FAM221A: variants seen among roughly 807,000 people sequenced by gnomAD.
FAM221A encodes the protein protein FAM221A.
A neutral mutation model predicts 37.6 loss-of-function variants in FAM221A; 43 were observed. The ratio of observed to expected loss-of-function variants is 1.15; its 90% confidence interval spans 0.90 to 1.48. FAM221A has a LOEUF of 1.48. Ranked by LOEUF, FAM221A falls within the 40% of genes most tolerant of loss-of-function variation. The pLI is 0.00. For synonymous variants in FAM221A, 135 were observed against 132.9 expected, an observed-to-expected ratio of 1.02 and a Z score of -0.11; for missense variants, 361 against 361.5, an observed-to-expected ratio of 1.00 and a Z score of 0.01.
Position 23,684,670 on chromosome 7 carries a change from T to G in FAM221A, c.237T>G (p.His79Gln). 1 of 1,596,582 alleles carries G rather than the reference T, an allele frequency of 6.3e-7. No individual in the cohort carries two copies. The highest frequency in any genetic ancestry group is 8.5e-7 in the Non-Finnish European group (1 of 1,174,522). ...CAGAGACACTGTGTTTTTGTACACA[T>G]AGGTAAGATACTTTATTGCAAAGTT... ...VGPETLCFCT[H>Q]RYKQHKTDLE... The change falls in exon 2 of 7, where the codon CAT becomes CAG. Residue 79 changes from histidine to glutamine, a missense_variant and splice_region_variant. Physicochemically the swap from His to Gln is conservative, Grantham distance 24. Coordinates refer to ENST00000344962, the MANE Select transcript of FAM221A (RefSeq NM_199136.5).
At chr7:23,696,576 T>C (rs951135849) in intron 4 of FAM221A, among the ~76,000 whole-genome samples, 12 of 152,112 alleles carry the variant, frequency 7.9e-5, no homozygotes, top group Non-Finnish European at 1.5e-4. Flanking sequence ...AGTAAATAAA[T>C]AAAATGTTAC....
At chr7:23,686,420 C>T (rs1310274935) in intron 2 of FAM221A, 2 of 307,742 alleles carry the variant, frequency 6.5e-6, no homozygotes, top group Admixed American at 4.5e-5. Flanking sequence ...TCTGCCACCA[C>T]ATCCAGCTAA....
intron 5 of FAM221A, 117 bp from the exon 6 acceptor site, chr7:23,700,669 A>G: frequency 1.6e-6 from 1 of 645,092 alleles, no homozygotes; most frequent in Non-Finnish European, 2.6e-6. Context: ...CATTTAGGCC[A>G]TTTTTGGTTT....
intron 2 of FAM221A, chr7:23,687,581 G>A (rs1189503543): frequency 6.6e-6 from 1 of 150,626 alleles, no homozygotes; most frequent in East Asian, 1.9e-4. Context: ...CTGGTTCAAA[G>A]AATGGACCTT....
At chr7:23,698,396 C>T (rs145293525) in intron 5 of FAM221A, 97 bp downstream of exon 5, 22 of 707,956 alleles carry the variant, frequency 3.1e-5, no homozygotes, top group Middle Eastern at 2.4e-4. Context: ...TTCATTATTA[C>T]GATAATTTAA....
In FAM221A at chr7:23,702,249, ATTAT is replaced by A. The variant is rs1434666078; in HGVS notation, c.*89_*92del. The A allele has an allele frequency of 2.3e-6, 2 of 864,086 alleles. No homozygotes were observed. The highest frequency in any genetic ancestry group is 1.8e-5 in the African/African-American group (1 of 56,308). The allele number at this position is 864,086 out of a possible 1,614,324, so 53.5% of individuals were successfully genotyped here. A position where few individuals can be genotyped will look rare whatever the true frequency, so the allele number is the denominator to read the frequency against. The stretch of plus-strand genomic sequence containing the variant: ...AATAATACAGTTTATTTTTCCTGAA[ATTAT>A]TTACTTTTTTTTTTTACTGTATAAA... On this transcript the variant is annotated 3_prime_UTR_variant, in exon 7 of 7. Coordinates refer to ENST00000344962, the MANE Select transcript of FAM221A (RefSeq NM_199136.5).
chr7:23,688,702 T>A (rs1784521196), intron 2 of FAM221A: 1 of 151,758 alleles, frequency 6.6e-6, no homozygotes, highest in South Asian at 2.1e-4. Flanking sequence ...AATGGTACGA[T>A]CTGGGCTCAC....
chr7:23,690,199 A>ATATATATATATATATTT (rs774313037), intron 3 of FAM221A, among the ~76,000 whole-genome samples: 18 of 48,732 alleles, frequency 3.7e-4, no homozygotes, highest in Admixed American at 8.9e-4. Context: ...ATATATATAT[A>ATATATATATATATATTT]TTTTTTTTTT....
intron 1 of FAM221A, 25 bp downstream of exon 1, chr7:23,680,308 C>A: frequency 6.6e-6 from 10 of 1,512,210 alleles, no homozygotes; most frequent in Non-Finnish European, 8.9e-6. Context: ...CCGGGCCTGC[C>A]CCCCCGCCGC....
intron 4 of FAM221A, 67 bp from the exon 5 acceptor site, chr7:23,698,125 A>G: frequency 2.3e-6 from 2 of 854,510 alleles, no homozygotes; most frequent in South Asian, 3.0e-5. Context: ...ATTTTACATT[A>G]GAAGTAATAA....
At chr7:23,690,692 G>A (rs925480384) in intron 3 of FAM221A, among the ~76,000 whole-genome samples, 9 of 152,226 alleles carry the variant, frequency 5.9e-5, no homozygotes, top group African/African-American at 1.9e-4. Flanking sequence ...CAGCATGAAT[G>A]TTGTGTAACC....
chr7:23,687,726 C>T (rs1057511602), intron 2 of FAM221A: 3 of 151,186 alleles, frequency 2.0e-5, no homozygotes, highest in Non-Finnish European at 2.9e-5. Flanking sequence ...TCACTGCAAC[C>T]TCTGCCTCCT....
intron 6 of FAM221A, among the ~76,000 whole-genome samples, chr7:23,701,456 G>T (rs1483185177): frequency 6.6e-6 from 1 of 151,950 alleles, no homozygotes; most frequent in Non-Finnish European, 1.5e-5. Flanking sequence ...AGCCAGGATG[G>T]TCTGGATCTC....
intron 2 of FAM221A, chr7:23,688,229 A>G (rs897266628): frequency 3.3e-5 from 5 of 151,866 alleles, no homozygotes; most frequent in African/African-American, 9.7e-5. Context: ...TATTTTTAGT[A>G]GAGACGGAGG....
intron 4 of FAM221A, among the ~76,000 whole-genome samples, chr7:23,695,778 T>C (rs1442880876): frequency 6.6e-6 from 1 of 152,232 alleles, no homozygotes; most frequent in African/African-American, 2.4e-5. Flanking sequence ...ATTGCTTTTG[T>C]TACCATTCTT....
At chr7:23,691,128 G>A (rs140720780) in intron 3 of FAM221A, among the ~76,000 whole-genome samples, 1 of 152,006 alleles carries the variant, frequency 6.6e-6, no homozygotes. Context: ...TTTTTGAGGA[G>A]AGGGTCTGCA....
chr7:23,686,006 G>A (rs1784344115), intron 2 of FAM221A, among the ~76,000 whole-genome samples: 1 of 152,160 alleles, frequency 6.6e-6, no homozygotes, highest in Non-Finnish European at 1.5e-5. Context: ...CAGAGTTGCA[G>A]TTTGCCAAAG....
At chr7:23,680,971 G>C (rs1006301202) in intron 1 of FAM221A, among the ~76,000 whole-genome samples, 1 of 152,168 alleles carries the variant, frequency 6.6e-6, no homozygotes, top group Admixed American at 6.5e-5. Flanking sequence ...GACGCTCCAG[G>C]CTCCGCCAGG....
At chr7:23,681,542 C>T (rs986004967) in intron 1 of FAM221A, among the ~76,000 whole-genome samples, 26 of 152,242 alleles carry the variant, frequency 1.7e-4, no homozygotes, top group African/African-American at 6.3e-4. Context: ...GCCTCAGCCT[C>T]CCGAGTAGCT....
Sources: gnomAD v4.1 joint callset for allele counts (sites outside exome capture counted in the v4.1 genomes callset) on GRCh38, gnomAD v4.1.1 for gene constraint, MANE v1.5 for transcripts, NCBI Gene and HGNC (gene_info 2026-07-23, HGNC 2026-07-21) for gene names.